PLXNA1: variants seen among roughly 807,000 people sequenced by gnomAD.
PLXNA1 encodes plexin-A1.
PLXNA1 carries 77 observed loss-of-function variants against 191.7 expected under a neutral mutation model. The observed-to-expected ratio is 0.40, with a 90% CI of 0.33 to 0.49. PLXNA1 has a LOEUF of 0.49. Among genes scored for constraint, PLXNA1 ranks in the 20% least tolerant of loss-of-function variants. The pLI is 0.63. For missense variants in PLXNA1, 2,110 were observed against 2,660.2 expected, an observed-to-expected ratio of 0.79 and a Z score of 4.55; for synonymous variants, 1,137 against 1,156.4, an observed-to-expected ratio of 0.98 and a Z score of 0.34.
chr3:127,020,048 A>G (rs2079144730), intron 20 of PLXNA1, among the ~76,000 whole-genome samples, 154 bp from the exon 21 acceptor site: 1 of 152,164 alleles, frequency 6.6e-6, no homozygotes, highest in Admixed American at 6.5e-5. Flanking sequence ...GGGCTGTAGT[A>G]GCTGGGGGAC....
rs938115114 is a variant in PLXNA1, at chr3:127,029,114, G to C, written c.4773+18G>C. On this transcript the variant is annotated intron_variant, in intron 26 of 31. Transcript: ENST00000393409. ...ACTACCAGGTGGCTCCCGGCCCTCC[G>C]ACCCTAGCACAGGCCTCCCTCCCCT... 5.0e-6 allele frequency: 8 copies of C among 1,598,062 alleles called. No individual in the cohort carries two copies. The highest frequency in any genetic ancestry group is 1.3e-5 in the African/African-American group (1 of 74,596).
At chr3:126,996,690 C>G (rs1411638999) in intron 3 of PLXNA1, among the ~76,000 whole-genome samples, 1 of 152,210 alleles carries the variant, frequency 6.6e-6, no homozygotes, top group Non-Finnish European at 1.5e-5. Context: ...GGCTGCTGTC[C>G]CCCACCATTG....
chr3:127,035,458 C>T lies in PLXNA1; in HGVS notation c.*1441C>T, dbSNP rs2079236421. Reference sequence around the variant, plus strand: ...GGGCCGCTGTTTTGGTTTGACATGACAAGGAAAGGACTTCCTGCTGACCCT... The same window carrying T: ...GGGCCGCTGTTTTGGTTTGACATGATAAGGAAAGGACTTCCTGCTGACCCT... On this transcript the variant is annotated 3_prime_UTR_variant, in exon 32 of 32. Transcript: ENST00000393409. 1 of 152,414 alleles carries T rather than the reference C, an allele frequency of 6.6e-6. No homozygotes were observed. Among genetic ancestry groups the T allele is most frequent in the African/African-American group, 2.4e-5 (1 of 41,428 alleles). 9.4% of individuals were successfully genotyped at this position (152,414 alleles called of 1,614,324 possible). A position where few individuals can be genotyped will look rare whatever the true frequency, so the allele number is the denominator to read the frequency against.
At chr3:127,022,846 T>TCAGA (rs1360119090) in intron 23 of PLXNA1, 28 bp downstream of exon 23, 1 of 1,595,376 alleles carries the variant, frequency 6.3e-7, no homozygotes, top group Admixed American at 1.7e-5. Flanking sequence ...GAAGCAGGTG[T>TCAGA]CAGAGGCAGG....
In PLXNA1 at chr3:127,034,125, G is replaced by C. The variant is rs972162769; in HGVS notation, c.*108G>C. 2 of 1,027,344 alleles carry C rather than the reference G, an allele frequency of 1.9e-6. No homozygotes were observed. Among genetic ancestry groups the C allele is most frequent in the African/African-American group, 3.2e-5 (2 of 62,474 alleles). The allele number at this position is 1,027,344 out of a possible 1,614,324, so 63.6% of individuals were successfully genotyped here. A position where few individuals can be genotyped will look rare whatever the true frequency, so the allele number is the denominator to read the frequency against. ...AGTGTCCGGTGGTGCTCGGGCCGCCGCAGTGCAGCGACTGCCCGGCCCTCC... is the reference window on the plus strand; with the variant it reads ...AGTGTCCGGTGGTGCTCGGGCCGCCCCAGTGCAGCGACTGCCCGGCCCTCC... On this transcript the variant is annotated 3_prime_UTR_variant, in exon 32 of 32. Transcript: ENST00000393409.
chr3:127,032,331 A>G (rs1462155742), intron 29 of PLXNA1, 56 bp from the exon 30 acceptor site: 1 of 1,529,630 alleles, frequency 6.5e-7, no homozygotes, highest in African/African-American at 1.4e-5. Context: ...CCACAAGGTC[A>G]CTGCTCAGGA....
chr3:126,984,275 C>A (rs941044011), intron 1 of PLXNA1, among the ~76,000 whole-genome samples: 1 of 152,176 alleles, frequency 6.6e-6, no homozygotes, highest in East Asian at 1.9e-4. Flanking sequence ...TCTGGGGCCA[C>A]GCCCCTTGAA....
chr3:127,001,154 C>A (rs574302894), intron 3 of PLXNA1, among the ~76,000 whole-genome samples: 1 of 152,246 alleles, frequency 6.6e-6, no homozygotes, highest in South Asian at 2.1e-4. Context: ...TTCCTGGGAC[C>A]CCTCCTTGCA....
rs1478016643 is a variant in PLXNA1 at position 127,017,862 on chromosome 3, G to A, written c.3630G>A (p.Ala1210=). 5 of 1,612,606 alleles carry A rather than the reference G, an allele frequency of 3.1e-6. No individual in the cohort carries two copies. In the South Asian group the frequency reaches 3.3e-5, roughly 11 times the overall value. ...CGGAGACGCAACTGCTGTGCGAGGC[G>A]CCCAACCTCACTGGGCAGCACAAGG... The part of the protein sequence containing the change: ...TVSETQLLCE[A]PNLTGQHKVT... Residue 1210 remains alanine (A), a synonymous_variant, in exon 19 of 32, where the codon GCG becomes GCA. Coordinates refer to ENST00000393409, the MANE Select transcript of PLXNA1 (RefSeq NM_032242.4).
chr3:126,998,776 C>A (rs1236549490), intron 3 of PLXNA1, among the ~76,000 whole-genome samples: 1 of 152,220 alleles, frequency 6.6e-6, no homozygotes, highest in Non-Finnish European at 1.5e-5. Flanking sequence ...GCAGCCCTGG[C>A]TGTCCTTCAC....
intron 7 of PLXNA1, among the ~76,000 whole-genome samples, 166 bp downstream of exon 7, chr3:127,005,409 G>C (rs952174835): frequency 6.6e-6 from 1 of 152,200 alleles, no homozygotes; most frequent in African/African-American, 2.4e-5. Flanking sequence ...TGGGAGTGGA[G>C]AAAACCCTCC....
Position 127,018,301 on chromosome 3 carries a change from C to T in PLXNA1, c.3668C>T (p.Ala1223Val). The change falls in exon 20 of 32, where the codon GCA (alanine) becomes GTA (valine). Residue 1223 changes from alanine (A) to valine (V), a missense_variant. Physicochemically the swap from Ala to Val is moderately conservative, Grantham distance 64. Coordinates refer to ENST00000393409, the MANE Select transcript of PLXNA1 (RefSeq NM_032242.4). ...GCCTCCACCCACTGGCAGGTGCGGGCAGGTGGCTTCGAGTTCTCGCCAGGG... is the reference window on the plus strand; with the variant it reads ...GCCTCCACCCACTGGCAGGTGCGGGTAGGTGGCTTCGAGTTCTCGCCAGGG... ...LTGQHKVTVR[A>V]GGFEFSPGTL... 4 of 1,601,298 alleles carry T rather than the reference C, an allele frequency of 2.5e-6. No homozygotes were observed. The highest frequency in any genetic ancestry group is 1.1e-5 in the South Asian group (1 of 89,768).
intron 20 of PLXNA1, among the ~76,000 whole-genome samples, chr3:127,019,376 C>T (rs568724835): frequency 3.3e-5 from 5 of 152,204 alleles, no homozygotes; most frequent in Admixed American, 6.5e-5. Context: ...CACCCTACCT[C>T]TTGGGCAGCC....
At chr3:126,999,568 C>T (rs1001938191) in intron 3 of PLXNA1, among the ~76,000 whole-genome samples, 16 of 152,328 alleles carry the variant, frequency 1.1e-4, no homozygotes, top group African/African-American at 3.8e-4. Flanking sequence ...GACATCCTCC[C>T]GGCACCCCCG....
intron 29 of PLXNA1, among the ~76,000 whole-genome samples, chr3:127,030,742 C>A (rs114822092): frequency 0.026 from 4,010 of 152,280 alleles, 80 homozygotes; most frequent in Middle Eastern, 0.041. Context: ...GTGGACCAGC[C>A]CCAAGCCGGC....
At chr3:127,019,194 G>A (rs1399932913) in intron 20 of PLXNA1, among the ~76,000 whole-genome samples, 1 of 149,706 alleles carries the variant, frequency 6.7e-6, no homozygotes, top group African/African-American at 2.4e-5. Context: ...TGCAGTGTAG[G>A]ACCTTAGCCA....
intron 1 of PLXNA1, among the ~76,000 whole-genome samples, chr3:126,987,781 C>T (rs2078966950): frequency 2.6e-5 from 4 of 152,050 alleles, no homozygotes; most frequent in Admixed American, 2.0e-4. Flanking sequence ...GGCGGGGCAC[C>T]CGTCGGCTGG....
At chr3:126,984,752 C>T (rs1277874250) in intron 1 of PLXNA1, among the ~76,000 whole-genome samples, 2 of 152,208 alleles carry the variant, frequency 1.3e-5, no homozygotes, top group Non-Finnish European at 2.9e-5. Flanking sequence ...AAGCAGACAG[C>T]CCTTTGCTGG....
At chr3:127,023,874 A>G (rs1049673514) in intron 23 of PLXNA1, among the ~76,000 whole-genome samples, 3 of 152,072 alleles carry the variant, frequency 2.0e-5, no homozygotes, top group Admixed American at 6.6e-5. Flanking sequence ...TCCCAGGCAG[A>G]AGAGGCCACT....
Sources: allele counts gnomAD v4.1 joint callset (sites outside exome capture counted in the v4.1 genomes callset), GRCh38; gene constraint gnomAD v4.1.1; transcripts MANE v1.5; gene names NCBI Gene and HGNC (gene_info 2026-07-23, HGNC 2026-07-21).